Variants in GRIA3 observed in about 807,000 individuals in gnomAD.
The protein encoded by GRIA3 is glutamate receptor 3.
Under a neutral mutation model 63.0 loss-of-function variants are expected in GRIA3, and 3 were observed. That is an observed-to-expected ratio of 0.05 (90% CI 0.02 to 0.12). The LOEUF (loss-of-function observed/expected upper bound fraction) is 0.12. Among genes scored for constraint, GRIA3 ranks in the 10% least tolerant of loss-of-function variants. GRIA3 has a pLI of 1.00. For missense variants in GRIA3, 347 were observed against 700.9 expected, an observed-to-expected ratio of 0.50 and a Z score of 5.70; for synonymous variants, 274 against 257.9, an observed-to-expected ratio of 1.06 and a Z score of -0.60.
At chrX:123,362,980 A>C (rs1307053010) in intron 5 of GRIA3, among the ~76,000 whole-genome samples, 1 of 112,727 alleles carries the variant, frequency 8.9e-6, no homozygotes, top group Non-Finnish European at 1.9e-5. Context: ...ACTAATTTAT[A>C]TGGTGTAATT....
chrX:123,484,089 A>G (rs1298097775), intron 15 of GRIA3, among the ~76,000 whole-genome samples: 1 of 112,063 alleles, frequency 8.9e-6, no homozygotes, highest in Non-Finnish European at 1.9e-5. Context: ...GAACTGGTGC[A>G]CAGGTAAGTG....
intron 12 of GRIA3, among the ~76,000 whole-genome samples, chrX:123,439,948 C>T (rs1230330985): frequency 9.0e-6 from 1 of 111,492 alleles, no homozygotes; most frequent in Non-Finnish European, 1.9e-5. Context: ...CCTCTTCCAA[C>T]CTTTCATCCT....
chrX:123,396,279 T>C (rs775956146), intron 6 of GRIA3, among the ~76,000 whole-genome samples: 1 of 109,146 alleles, frequency 9.2e-6, no homozygotes, highest in African/African-American at 3.3e-5. Context: ...AGAAAAAAGA[T>C]ATAGAGATAC....
chrX:123,463,704 G>A (rs201147031), intron 12 of GRIA3, among the ~76,000 whole-genome samples: 3,984 of 11,580 alleles, frequency 0.34, 467 homozygotes, highest in East Asian at 0.61. Flanking sequence ...GAAAGAAAAA[G>A]AAAGAAAGAA....
At chrX:123,401,574 A>C (rs1172255994) in intron 7 of GRIA3, among the ~76,000 whole-genome samples, 1 of 112,100 alleles carries the variant, frequency 8.9e-6, no homozygotes, top group Non-Finnish European at 1.9e-5. Flanking sequence ...TAAGCTAACA[A>C]TAGTGCTTAG....
intron 4 of GRIA3, among the ~76,000 whole-genome samples, chrX:123,339,670 C>T (rs992866990): frequency 8.9e-6 from 1 of 112,257 alleles, no homozygotes; most frequent in Admixed American, 9.4e-5. Context: ...TGAAGATCAT[C>T]TGGTTTGGAA....
intron 2 of GRIA3, among the ~76,000 whole-genome samples, chrX:123,201,268 C>T (rs1289979480): frequency 9.0e-6 from 1 of 111,493 alleles, no homozygotes; most frequent in Non-Finnish European, 1.9e-5. Context: ...ATGGAGATAG[C>T]AATACTTGAG....
At chrX:123,199,352 G>A (rs756057412) in intron 2 of GRIA3, among the ~76,000 whole-genome samples, 23 of 101,982 alleles carry the variant, frequency 2.3e-4, no homozygotes, top group African/African-American at 8.1e-4. Context: ...CCAGCAGGCC[G>A]AAACCTGGGT....
chrX:123,300,245 T>C lies in GRIA3; in HGVS notation c.509-25781T>C, dbSNP rs1210329751. Among the ~76,000 whole-genome samples, 4 of 110,240 alleles carry C rather than the reference T, an allele frequency of 3.6e-5. No homozygotes were observed. In the Admixed American group the frequency reaches 3.9e-4, roughly 11 times the overall value. ...CCAGGATGATGCTGGCCTCATAGAA[T>C]GAGTTAGGGAGGAGACCCTCCTCCT... On this transcript the variant is annotated intron_variant, in intron 3 of 15. Transcript: ENST00000620443.
At chrX:123,353,020 T>TACAC (rs556926418) in intron 4 of GRIA3, among the ~76,000 whole-genome samples, 14,216 of 87,372 alleles carry the variant, frequency 0.16, 880 homozygotes, top group Non-Finnish European at 0.21. Flanking sequence ...CTCTCTCTCA[T>TACAC]ACACACACAC....
At chrX:123,480,680 C>T (rs2045908332) in intron 14 of GRIA3, among the ~76,000 whole-genome samples, 1 of 111,833 alleles carries the variant, frequency 8.9e-6, no homozygotes, top group African/African-American at 3.2e-5. Flanking sequence ...TCTCTGTAAG[C>T]AGAATGATTA....
At chrX:123,411,165 T>C (rs907784111) in intron 10 of GRIA3, among the ~76,000 whole-genome samples, 5 of 111,918 alleles carry the variant, frequency 4.5e-5, no homozygotes, top group Non-Finnish European at 9.4e-5. Flanking sequence ...TCAACACATA[T>C]CAACTTTCCA....
chrX:123,301,827 G>A (rs1461189541), intron 3 of GRIA3, among the ~76,000 whole-genome samples: 3 of 111,735 alleles, frequency 2.7e-5, no homozygotes, highest in Non-Finnish European at 5.7e-5. Context: ...TCCTCCTGTG[G>A]AAGCTGGGCC....
intron 3 of GRIA3, among the ~76,000 whole-genome samples, chrX:123,291,933 C>T (rs2044658413): frequency 9.0e-6 from 1 of 111,416 alleles, no homozygotes; most frequent in African/African-American, 3.3e-5. Context: ...TGGGCACCTA[C>T]TAGGTGCCAA....
At chrX:123,447,834 G>C (rs747984501) in intron 12 of GRIA3, among the ~76,000 whole-genome samples, 6 of 111,950 alleles carry the variant, frequency 5.4e-5, no homozygotes, top group Non-Finnish European at 9.4e-5. Flanking sequence ...CAAATTTACT[G>C]TTGTTTTAAT....
At chrX:123,387,380 T>C (rs907715178) in intron 5 of GRIA3, among the ~76,000 whole-genome samples, 1 of 112,010 alleles carries the variant, frequency 8.9e-6, no homozygotes, top group Non-Finnish European at 1.9e-5. Context: ...TCATGACATA[T>C]GCAAAGAAGG....
chrX:123,349,175 G>A (rs1355982485), intron 4 of GRIA3, among the ~76,000 whole-genome samples: 2 of 112,319 alleles, frequency 1.8e-5, no homozygotes, highest in African/African-American at 6.5e-5. Context: ...AATCATTAAG[G>A]ACGTTTGTGA....
At chrX:123,231,331 A>G (rs1264751584) in intron 2 of GRIA3, among the ~76,000 whole-genome samples, 1 of 111,211 alleles carries the variant, frequency 9.0e-6, no homozygotes, top group Non-Finnish European at 1.9e-5. Flanking sequence ...TTAAAGCTCA[A>G]AGAGGCCCAG....
chrX:123,308,107 C>T (rs754901213), intron 3 of GRIA3, among the ~76,000 whole-genome samples: 109 of 111,904 alleles, frequency 9.7e-4, no homozygotes, highest in Non-Finnish European at 1.6e-3. Flanking sequence ...TAGCCCTACA[C>T]TGTTCATGTC....
Sources: allele counts gnomAD v4.1 joint callset (sites outside exome capture counted in the v4.1 genomes callset), GRCh38; gene constraint gnomAD v4.1.1; transcripts MANE v1.5; gene names NCBI Gene and HGNC (gene_info 2026-07-23, HGNC 2026-07-21).